The following CELF2 variants were observed in gnomAD, a reference collection of about 807,000 sequenced individuals.
The protein encoded by CELF2 is CUGBP Elav-like family member 2, also known as CUG triplet repeat RNA-binding protein 2.
In CELF2, 8 loss-of-function variants were observed where a neutral mutation model predicts 62.6. The observed-to-expected ratio is 0.13, with a 90% confidence interval of 0.07 to 0.23. CELF2 has a LOEUF of 0.23. Ranked by LOEUF, CELF2 falls within the 10% of genes least tolerant of loss-of-function variation. The pLI is 1.00. For missense variants in CELF2, 333 were observed against 671.0 expected (o/e 0.50, Z 5.56); for synonymous variants, 258 against 250.0 (o/e 1.03, Z -0.30).
chr10:11,320,947 C>T (rs751744587), intron 10 of CELF2: 4 of 1,541,804 alleles, frequency 2.6e-6, no homozygotes, highest in East Asian at 2.4e-5. Context: ...TCGTCTAACT[C>T]GTGCCACAGT....
At chr10:10,672,757 A>G in the CELF2 span, among the ~76,000 whole-genome samples, 1 of 152,018 alleles carries the variant, frequency 6.6e-6, no homozygotes, top group African/African-American at 2.4e-5. Context: ...CTTGTTCTTC[A>G]ATAATGTGTT....
chr10:10,519,223 G>A, the CELF2 span, among the ~76,000 whole-genome samples: 1 of 152,158 alleles, frequency 6.6e-6, no homozygotes, highest in Non-Finnish European at 1.5e-5. Context: ...AAGCAGAGTC[G>A]AGGCTGATCT....
intron 2 of CELF2, among the ~76,000 whole-genome samples, chr10:11,181,532 G>A (rs988913734): frequency 2.6e-5 from 4 of 152,194 alleles, no homozygotes; most frequent in Non-Finnish European, 5.9e-5. Context: ...CAGTTCTGAT[G>A]GTTTCTGTTG....
the CELF2 span, among the ~76,000 whole-genome samples, chr10:10,672,775 C>G: frequency 1.3e-5 from 2 of 151,998 alleles, no homozygotes; most frequent in Admixed American, 1.3e-4. Context: ...GTTGGCAATT[C>G]TGGGCCTTTT....
intron 1 of CELF2, among the ~76,000 whole-genome samples, chr10:11,086,333 T>C (rs970161082): frequency 1.3e-5 from 2 of 152,040 alleles, no homozygotes; most frequent in Admixed American, 6.5e-5. Flanking sequence ...GTCTTGACTT[T>C]GGACAGGAGT....
intron 3 of CELF2, among the ~76,000 whole-genome samples, chr10:11,239,582 C>G (rs566683416): frequency 4.7e-4 from 72 of 152,334 alleles, no homozygotes; most frequent in Non-Finnish European, 9.1e-4. Flanking sequence ...GTGTGTCACA[C>G]ACATCATGGC....
the CELF2 span, among the ~76,000 whole-genome samples, chr10:10,616,271 A>G: frequency 1.3e-5 from 2 of 151,594 alleles, no homozygotes; most frequent in Admixed American, 6.6e-5. Flanking sequence ...TGAAAGCACT[A>G]GTACTCTCAA....
At chr10:10,530,568 G>T in the CELF2 span, among the ~76,000 whole-genome samples, 1 of 152,118 alleles carries the variant, frequency 6.6e-6, no homozygotes, top group Non-Finnish European at 1.5e-5. Context: ...GAGTTGCTCT[G>T]GTTTGAATGC....
At chr10:11,050,348 A>G (rs931885539) in intron 1 of CELF2, among the ~76,000 whole-genome samples, 1 of 152,174 alleles carries the variant, frequency 6.6e-6, no homozygotes, top group African/African-American at 2.4e-5. Context: ...ATTAAACTAC[A>G]TTGTCTGGAC....
the CELF2 span, among the ~76,000 whole-genome samples, chr10:10,653,501 A>G: frequency 7.0e-6 from 1 of 142,050 alleles, no homozygotes; most frequent in Non-Finnish European, 1.5e-5. Context: ...AAAGAACAGA[A>G]ATTATAACAA....
rs1289205996 is a variant in CELF2 at position 11,119,598 on chromosome 10, A to G, written c.75-45888A>G. Among the ~76,000 whole-genome samples the G allele has an allele frequency of 2.6e-5, 4 of 152,244 alleles. No individual in the cohort carries two copies. In the East Asian group the frequency reaches 5.8e-4, roughly 22 times the overall value. ...AATCTTTAGTTCCTTTTTACCAACA[A>G]ATTAACTATTTTTAATATTTAAACT... is the stretch of plus-strand genomic sequence containing the variant. On this transcript the variant is annotated intron_variant, in intron 1 of 12. Transcript: ENST00000633077.
At chr10:11,072,263 T>G (rs201619000) in intron 1 of CELF2, among the ~76,000 whole-genome samples, 40,664 of 151,898 alleles carry the variant, frequency 0.27, 5,943 homozygotes, top group African/African-American at 0.38. Flanking sequence ...TACCTTCTCC[T>G]CCTCTCTCTA....
chr10:10,554,092 G>A, the CELF2 span, among the ~76,000 whole-genome samples: 3 of 152,156 alleles, frequency 2.0e-5, no homozygotes, highest in South Asian at 6.2e-4. Context: ...CCATGGCTTG[G>A]ACTAATTGGT....
chr10:10,647,535 T>A, the CELF2 span, among the ~76,000 whole-genome samples: 7 of 152,198 alleles, frequency 4.6e-5, no homozygotes, highest in South Asian at 2.1e-4. Context: ...AGATTACTCA[T>A]CAATAAATGA....
chr10:11,033,906 T>C (rs568833087), intron 1 of CELF2, among the ~76,000 whole-genome samples: 1 of 152,364 alleles, frequency 6.6e-6, no homozygotes, highest in Admixed American at 6.5e-5. Flanking sequence ...ATTAGTTGTT[T>C]TGTTGTCACT....
chr10:10,638,472 A>G, the CELF2 span, among the ~76,000 whole-genome samples: 3 of 152,238 alleles, frequency 2.0e-5, no homozygotes, highest in Non-Finnish European at 4.4e-5. Flanking sequence ...TACAGTATCT[A>G]CTGGAAGATC....
the CELF2 span, among the ~76,000 whole-genome samples, chr10:10,592,112 A>G: frequency 5.3e-5 from 8 of 152,212 alleles, no homozygotes; most frequent in African/African-American, 1.7e-4. Flanking sequence ...GGTAATTATA[A>G]CTAGCGTACA....
chr10:10,534,788 T>C, the CELF2 span, among the ~76,000 whole-genome samples: 1 of 152,228 alleles, frequency 6.6e-6, no homozygotes, highest in Admixed American at 6.5e-5. Flanking sequence ...TATTATGGTC[T>C]AAAAGAATTG....
intron 1 of CELF2, among the ~76,000 whole-genome samples, chr10:11,066,126 T>C (rs2068088134): frequency 6.6e-6 from 1 of 152,166 alleles, no homozygotes; most frequent in Non-Finnish European, 1.5e-5. Flanking sequence ...CAGGGCCTTG[T>C]CAGCAGTTAG....
Sources: allele counts gnomAD v4.1 joint callset (sites outside exome capture counted in the v4.1 genomes callset), GRCh38; gene constraint gnomAD v4.1.1; transcripts MANE v1.5; gene names NCBI Gene and HGNC (gene_info 2026-07-23, HGNC 2026-07-21).